The following MAD1L1 variants were observed in gnomAD, a reference collection of about 807,000 sequenced individuals.
MAD1L1 encodes mitotic spindle assembly checkpoint protein MAD1.
Under a neutral mutation model 96.9 loss-of-function variants are expected in MAD1L1, and 95 were observed. That is an observed-to-expected ratio of 0.98 (90% CI 0.83 to 1.16). The LOEUF is 1.16. Among genes scored for constraint, MAD1L1 ranks in the 50% most tolerant of loss-of-function variants. The pLI is 0.00. For missense variants in MAD1L1, 1,007 were observed against 954.4 expected (o/e 1.06, Z -0.73); for synonymous variants, 473 against 396.6 (o/e 1.19, Z -2.29).
At chr7:2,130,555 C>T (rs1261155010) in intron 11 of MAD1L1, among the ~76,000 whole-genome samples, 1 of 152,208 alleles carries the variant, frequency 6.6e-6, no homozygotes, top group African/African-American at 2.4e-5. Context: ...AACATAAACT[C>T]AATTCCAAAG....
At chr7:1,916,407 T>C (rs1257156300) in intron 17 of MAD1L1, among the ~76,000 whole-genome samples, 1 of 152,148 alleles carries the variant, frequency 6.6e-6, no homozygotes, top group Non-Finnish European at 1.5e-5. Context: ...GGTCCGTCTG[T>C]GCTAGGCAGC....
At chr7:1,987,446 T>G (rs1781203245) in intron 14 of MAD1L1, among the ~76,000 whole-genome samples, 1 of 152,014 alleles carries the variant, frequency 6.6e-6, no homozygotes, top group Non-Finnish European at 1.5e-5. Flanking sequence ...GGTCTAAGTA[T>G]CCCGGATGAA....
chr7:2,129,455 G>A (rs1040312904), intron 11 of MAD1L1, among the ~76,000 whole-genome samples: 5 of 152,218 alleles, frequency 3.3e-5, no homozygotes, highest in Non-Finnish European at 7.3e-5. Flanking sequence ...CTGCTAGGCA[G>A]CGCCCCTCCT....
At chr7:1,839,724 A>G in intron 18 of MAD1L1, among the ~76,000 whole-genome samples, 1 of 152,158 alleles carries the variant, frequency 6.6e-6, no homozygotes, top group Non-Finnish European at 1.5e-5. Flanking sequence ...CAGGCCCTTC[A>G]GTTAGAACAT....
At chr7:2,012,166 G>C (rs939433260) in intron 13 of MAD1L1, among the ~76,000 whole-genome samples, 1 of 152,200 alleles carries the variant, frequency 6.6e-6, no homozygotes, top group Non-Finnish European at 1.5e-5. Flanking sequence ...CCGGCAAGGG[G>C]GCAAGCACGG....
At chr7:1,915,954 A>G (rs1788361514) in intron 17 of MAD1L1, among the ~76,000 whole-genome samples, 1 of 152,268 alleles carries the variant, frequency 6.6e-6, no homozygotes. Flanking sequence ...AAAAGAAAGC[A>G]TTGAGAAAAT....
rs148317587 is a variant in MAD1L1, at chr7:1,841,386, AC to A, written c.1999-25159del. The stretch of plus-strand genomic sequence containing the variant: ...GAGAAGTCATTCACAGCCCGACAGC[AC>A]AGGCACAGAAATTTGCTGTTTTATA... On this transcript the variant is annotated intron_variant, in intron 18 of 18. Coordinates refer to ENST00000265854, the MANE Select transcript of MAD1L1 (RefSeq NM_001013836.2). 5.8e-3 allele frequency among the ~76,000 whole-genome samples: 885 copies of A among 152,324 alleles called. 14 individuals are homozygous for A. The highest frequency in any genetic ancestry group is 0.02 in the African/African-American group (845 of 41,574).
chr7:2,150,923 C>G (rs750573878), intron 10 of MAD1L1, among the ~76,000 whole-genome samples: 21 of 152,196 alleles, frequency 1.4e-4, no homozygotes, highest in Non-Finnish European at 2.9e-4. Context: ...CCGGGGAGAC[C>G]CCATCTGTCC....
At chr7:1,943,198 A>C (rs1476387426) in intron 16 of MAD1L1, among the ~76,000 whole-genome samples, 1 of 152,240 alleles carries the variant, frequency 6.6e-6, no homozygotes, top group Non-Finnish European at 1.5e-5. Context: ...AACCCTCCTA[A>C]CCTTGGATTT....
chr7:2,023,011 C>T lies in MAD1L1; in HGVS notation c.1219-8369G>A, dbSNP rs75302542. 9.6e-3 allele frequency among the ~76,000 whole-genome samples: 1,464 copies of T among 152,326 alleles called. 21 individuals are homozygous for T. Among genetic ancestry groups the T allele is most frequent in the African/African-American group, 0.033 (1,387 of 41,568 alleles). ...CATGACCGCCCTTAACATGCATCTA[C>T]TTAACAACAGTGTCTCAAAATATGC... On this transcript the variant is annotated intron_variant, in intron 12 of 18. Transcript: ENST00000265854.
chr7:2,017,684 G>C (rs1188531201), intron 12 of MAD1L1, among the ~76,000 whole-genome samples: 1 of 152,224 alleles, frequency 6.6e-6, no homozygotes, highest in African/African-American at 2.4e-5. Flanking sequence ...GAGCAAGAGA[G>C]ATAATGACGC....
intron 11 of MAD1L1, among the ~76,000 whole-genome samples, chr7:2,115,427 G>A (rs1787623855): frequency 6.7e-6 from 1 of 149,522 alleles, no homozygotes; most frequent in African/African-American, 2.5e-5. Context: ...GGGGTCAGAG[G>A]AGGTGCTGGA....
intron 14 of MAD1L1, among the ~76,000 whole-genome samples, chr7:2,001,153 C>T (rs555985028): frequency 5.9e-5 from 9 of 152,266 alleles, no homozygotes; most frequent in African/African-American, 1.9e-4. Context: ...CAGTCACGAG[C>T]TGGCAAGCAA....
chr7:2,152,736 G>A (rs1789641660), intron 10 of MAD1L1, among the ~76,000 whole-genome samples: 2 of 152,164 alleles, frequency 1.3e-5, no homozygotes, highest in African/African-American at 4.8e-5. Context: ...TACGGCACAG[G>A]TACAGTGCAC....
Position 1,886,558 on chromosome 7 carries a change from A to G in MAD1L1, c.1998+11642T>C, listed in dbSNP as rs116627999. ...CGGTGGCACGGGCGGGAGAGGGCCC[A>G]CCTGGGGCTCGCACACCACACTGTG... On this transcript the variant is annotated intron_variant, in intron 18 of 18. Coordinates refer to ENST00000265854, the MANE Select transcript of MAD1L1 (RefSeq NM_001013836.2). 3.1e-3 allele frequency among the ~76,000 whole-genome samples: 467 copies of G among 152,338 alleles called. 1 individual carries two copies. The highest frequency in any genetic ancestry group is 0.011 in the African/African-American group (450 of 41,580).
chr7:2,209,382 A>G (rs916860232), intron 10 of MAD1L1, among the ~76,000 whole-genome samples: 5 of 152,152 alleles, frequency 3.3e-5, no homozygotes, highest in African/African-American at 1.2e-4. Context: ...AAGGGCCCAC[A>G]CAAAGGACGT....
intron 18 of MAD1L1, among the ~76,000 whole-genome samples, chr7:1,886,204 T>A (rs1786014692): frequency 6.6e-6 from 1 of 152,198 alleles, no homozygotes; most frequent in South Asian, 2.1e-4. Flanking sequence ...AGTCACTGTC[T>A]AAGGGGCTTG....
At chr7:1,882,693 G>C (rs1475241844) in intron 18 of MAD1L1, among the ~76,000 whole-genome samples, 4 of 152,214 alleles carry the variant, frequency 2.6e-5, no homozygotes, top group Admixed American at 2.6e-4. Flanking sequence ...TGCTGGGTGG[G>C]CATGACATGG....
chr7:2,104,322 G>A (rs73038464), intron 11 of MAD1L1, among the ~76,000 whole-genome samples: 4,234 of 152,366 alleles, frequency 0.028, 111 homozygotes, highest in South Asian at 0.11. Context: ...AGAAAACACA[G>A]GAAGACAGCC....
Sources: gnomAD v4.1 joint callset for allele counts (sites outside exome capture counted in the v4.1 genomes callset) on GRCh38, gnomAD v4.1.1 for gene constraint, MANE v1.5 for transcripts, NCBI Gene and HGNC (gene_info 2026-07-23, HGNC 2026-07-21) for gene names.